The following URI1 variants were observed in gnomAD, a reference collection of about 807,000 sequenced individuals.
URI1 encodes URI1 prefoldin like chaperone.
URI1 carries 39 observed loss-of-function variants against 60.2 expected under a neutral mutation model. That is an observed-to-expected ratio of 0.65 (90% confidence interval 0.50 to 0.85). The LOEUF (loss-of-function observed/expected upper bound fraction) is 0.85, where lower values mean the gene tolerates loss of function less well. Ranked by LOEUF, URI1 falls within the 40% of genes least tolerant of loss-of-function variation. The pLI, the probability that URI1 is intolerant of heterozygous loss-of-function variation, is 0.00. For missense variants in URI1, 691 were observed against 665.9 expected (o/e 1.04, Z -0.42); for synonymous variants, 251 against 236.8 (o/e 1.06, Z -0.55).
At chr19:29,944,361 G>A (rs776983682) in intron 1 of URI1, among the ~76,000 whole-genome samples, 3 of 150,646 alleles carry the variant, frequency 2.0e-5, no homozygotes, top group Non-Finnish European at 4.4e-5. Context: ...GACCCTCAGA[G>A]GATGGTGTTT....
At chr19:29,972,174 C>A (rs2055468405) in intron 2 of URI1, among the ~76,000 whole-genome samples, 1 of 152,054 alleles carries the variant, frequency 6.6e-6, no homozygotes, top group Non-Finnish European at 1.5e-5. Context: ...GCAATCTGTA[C>A]ACATCATCTT....
chr19:29,999,659 G>A (rs2055853918), intron 4 of URI1, among the ~76,000 whole-genome samples: 1 of 151,856 alleles, frequency 6.6e-6, no homozygotes, highest in Non-Finnish European at 1.5e-5. Flanking sequence ...GTGGGTCTGG[G>A]TTTATCCTAC....
At chr19:29,966,639 TC>T (rs2055394777) in intron 1 of URI1, among the ~76,000 whole-genome samples, 1 of 152,238 alleles carries the variant, frequency 6.6e-6, no homozygotes, top group Admixed American at 6.5e-5. Context: ...ACTTGACAAA[TC>T]TATCTTTTAA....
chr19:30,015,228 C>T lies in URI1; in HGVS notation c.*159C>T. ...CTTACCCGTGGTATTTGAAAAAAAT[C>T]AAGGTAACTGTCTGAATACTTTAAT... On this transcript the variant is annotated 3_prime_UTR_variant, in exon 11 of 11. Transcript: ENST00000392271. The T allele has an allele frequency of 7.0e-7, 1 of 1,420,150 alleles. No homozygotes were observed. 88.0% of individuals were successfully genotyped at this position (1,420,150 alleles called of 1,614,324 possible). A position where few individuals can be genotyped will look rare whatever the true frequency, so the allele number is the denominator to read the frequency against.
intron 2 of URI1, among the ~76,000 whole-genome samples, chr19:29,972,825 A>G (rs1406584562): frequency 6.6e-6 from 1 of 152,092 alleles, no homozygotes; most frequent in Non-Finnish European, 1.5e-5. Context: ...GTGACCCTCA[A>G]TTTCACTTTT....
intron 4 of URI1, among the ~76,000 whole-genome samples, chr19:29,995,552 T>TAAAA (rs34134350): frequency 1.4e-5 from 2 of 147,620 alleles, no homozygotes; most frequent in South Asian, 2.1e-4. Context: ...TTGTCTTACT[T>TAAAA]AAAAAAAAAA....
At chr19:29,951,641 G>C (rs2055181524) in intron 1 of URI1, among the ~76,000 whole-genome samples, 1 of 151,848 alleles carries the variant, frequency 6.6e-6, no homozygotes, top group Admixed American at 6.6e-5. Context: ...CCGCCTCCTG[G>C]GTTCGAGTGA....
intron 1 of URI1, among the ~76,000 whole-genome samples, chr19:29,968,933 A>C (rs1056095764): frequency 6.6e-5 from 10 of 151,768 alleles, no homozygotes; most frequent in East Asian, 5.8e-4. Context: ...TAAAAAAAAA[A>C]CCCTCTAAAT....
At chr19:29,942,095 A>G (rs2055031397), upstream of URI1, 12 of 441,350 alleles carry the variant, frequency 2.7e-5, no homozygotes, top group Admixed American at 7.7e-4. Flanking sequence ...AGAGGGATAC[A>G]AACGCAGCCC....
intron 1 of URI1, among the ~76,000 whole-genome samples, chr19:29,935,851 G>A (rs183711547): frequency 1.9e-4 from 28 of 151,204 alleles, no homozygotes; most frequent in East Asian, 1.2e-3. Flanking sequence ...AAATGGTGCC[G>A]TCTTGGCTCA....
chr19:29,943,810 G>T (rs1426770322), intron 1 of URI1, among the ~76,000 whole-genome samples: 1 of 151,916 alleles, frequency 6.6e-6, no homozygotes, highest in Non-Finnish European at 1.5e-5. Flanking sequence ...CAACTGTTAG[G>T]TTTGGAAGCC....
intron 1 of URI1, among the ~76,000 whole-genome samples, chr19:29,946,041 A>G (rs1490630907): frequency 6.9e-6 from 1 of 145,048 alleles, no homozygotes; most frequent in African/African-American, 2.6e-5. Flanking sequence ...AATTTATTCA[A>G]ACAACCATCT....
chr19:29,949,088 C>T (rs1464781759), intron 1 of URI1, among the ~76,000 whole-genome samples: 12 of 147,104 alleles, frequency 8.2e-5, no homozygotes, highest in African/African-American at 1.5e-4. Context: ...TTCTGCCGGG[C>T]GGAGACGCTC....
intron 1 of URI1, among the ~76,000 whole-genome samples, chr19:29,943,195 C>G (rs1156452217): frequency 6.6e-6 from 1 of 152,110 alleles, no homozygotes; most frequent in East Asian, 1.9e-4. Flanking sequence ...TCCTCCCCCT[C>G]CTACCCTTCC....
At chr19:30,008,629 G>A (rs2055974548) in intron 7 of URI1, among the ~76,000 whole-genome samples, 1 of 151,874 alleles carries the variant, frequency 6.6e-6, no homozygotes, top group South Asian at 2.1e-4. Context: ...TCTGAGTATA[G>A]GAGTAGAAAA....
At chr19:29,964,459 G>GTTTTTTTTT (rs202018051) in intron 1 of URI1, among the ~76,000 whole-genome samples, 2 of 133,350 alleles carry the variant, frequency 1.5e-5, no homozygotes, top group Admixed American at 1.5e-4. Flanking sequence ...TTTGTTTTTT[G>GTTTTTTTTT]TTTTGTTTTT....
chr19:29,974,055 C>T (rs1304128796), intron 2 of URI1, among the ~76,000 whole-genome samples: 1 of 152,032 alleles, frequency 6.6e-6, no homozygotes, highest in Non-Finnish European at 1.5e-5. Context: ...TTTAATTCTT[C>T]CTTAAAGAGC....
intron 1 of URI1, among the ~76,000 whole-genome samples, chr19:29,964,209 G>A (rs2055360822): frequency 6.6e-6 from 1 of 152,126 alleles, no homozygotes; most frequent in Non-Finnish European, 1.5e-5. Flanking sequence ...TCCCCTCTCT[G>A]AATCCTTGGT....
At chr19:29,991,240 T>A (rs1277886829) in intron 4 of URI1, among the ~76,000 whole-genome samples, 3 of 152,208 alleles carry the variant, frequency 2.0e-5, no homozygotes, top group Non-Finnish European at 2.9e-5. Context: ...GTGTAAATAC[T>A]TACAGCCTGT....
Sources: allele counts gnomAD v4.1 joint callset (sites outside exome capture counted in the v4.1 genomes callset), GRCh38; gene constraint gnomAD v4.1.1; transcripts MANE v1.5; gene names NCBI Gene and HGNC (gene_info 2026-07-23, HGNC 2026-07-21).